ADAMTS9: variants seen among roughly 807,000 people sequenced by gnomAD.
ADAMTS9 encodes ADAM metallopeptidase with thrombospondin type 1 motif 9, also known as A disintegrin and metalloproteinase with thrombospondin motifs 9.
A neutral mutation model predicts 257.1 loss-of-function variants in ADAMTS9; 107 were observed. The observed-to-expected ratio is 0.42, with a 90% CI of 0.36 to 0.49. ADAMTS9 has a LOEUF of 0.49. ADAMTS9 is among the 20% of genes least tolerant of loss of function. ADAMTS9 has a pLI of 0.03. For synonymous variants in ADAMTS9, 982 were observed against 880.9 expected, an observed-to-expected ratio of 1.11 and a Z score of -2.03; for missense variants, 2,353 against 2,469.1, an observed-to-expected ratio of 0.95 and a Z score of 1.00.
chr3:64,608,143 T>A (rs1344654575), intron 22 of ADAMTS9, among the ~76,000 whole-genome samples: 9 of 145,910 alleles, frequency 6.2e-5, no homozygotes, highest in Admixed American at 2.8e-4. Context: ...TCACAGGAAA[T>A]CTATAGTTGC....
At chr3:64,661,884 A>G (rs753002826) in intron 3 of ADAMTS9, among the ~76,000 whole-genome samples, 5 of 152,074 alleles carry the variant, frequency 3.3e-5, no homozygotes, top group Non-Finnish European at 7.4e-5. Flanking sequence ...ACATTTTAGA[A>G]GATTTAAAGT....
intron 28 of ADAMTS9, among the ~76,000 whole-genome samples, chr3:64,581,800 A>G (rs1246347804): frequency 1.3e-5 from 2 of 152,210 alleles, no homozygotes; most frequent in Non-Finnish European, 2.9e-5. Flanking sequence ...TCTTTAATAC[A>G]TATTTCTGTG....
intron 38 of ADAMTS9, among the ~76,000 whole-genome samples, chr3:64,527,869 G>A (rs891850947): frequency 5.8e-4 from 89 of 152,158 alleles, no homozygotes; most frequent in African/African-American, 2.0e-3. Flanking sequence ...AGCCCAGGTC[G>A]AAACATGAGA....
chr3:64,551,183 C>T, intron 30 of ADAMTS9, 121 bp from the exon 31 acceptor site: 2 of 1,151,170 alleles, frequency 1.7e-6, no homozygotes, highest in Admixed American at 2.6e-5. Flanking sequence ...GCAGGGATTG[C>T]CAGAGAACTT....
At chr3:64,533,758 G>A (rs1203147013) in intron 37 of ADAMTS9, among the ~76,000 whole-genome samples, 1 of 152,198 alleles carries the variant, frequency 6.6e-6, no homozygotes, top group Non-Finnish European at 1.5e-5. Context: ...GCACAGCAGG[G>A]CGGGACTTCA....
chr3:64,684,901 A>C (rs1219479372), intron 2 of ADAMTS9: 1 of 152,220 alleles, frequency 6.6e-6, no homozygotes, highest in Non-Finnish European at 1.5e-5. Flanking sequence ...TCCTATCCCT[A>C]CGGTCCTGGA....
chr3:64,636,901 T>G (rs755112175), intron 12 of ADAMTS9, among the ~76,000 whole-genome samples: 26 of 152,332 alleles, frequency 1.7e-4, no homozygotes, highest in Admixed American at 5.9e-4. Flanking sequence ...CCTGGACTAT[T>G]CTTGTGTCAC....
At chr3:64,610,918 T>A (rs2084653738) in intron 22 of ADAMTS9, among the ~76,000 whole-genome samples, 1 of 150,922 alleles carries the variant, frequency 6.6e-6, no homozygotes. Context: ...CTACTAAAAA[T>A]ACAAAAAATT....
At chr3:64,607,154 G>A in intron 22 of ADAMTS9, 75 bp from the exon 23 acceptor site, 2 of 1,573,828 alleles carry the variant, frequency 1.3e-6, no homozygotes, top group Non-Finnish European at 1.7e-6. Flanking sequence ...ATAACATTCT[G>A]CAAGAGAGAA....
intron 2 of ADAMTS9, among the ~76,000 whole-genome samples, chr3:64,684,435 C>T (rs1376763465): frequency 6.6e-6 from 1 of 151,972 alleles, no homozygotes; most frequent in African/African-American, 2.4e-5. Flanking sequence ...CTCTGGTAGA[C>T]TCTTCAAGAT....
intron 31 of ADAMTS9, among the ~76,000 whole-genome samples, chr3:64,547,512 A>ATTTTTTTTT (rs58728148): frequency 8.2e-6 from 1 of 122,132 alleles, no homozygotes; most frequent in Non-Finnish European, 1.6e-5. Context: ...CTGGCTATAG[A>ATTTTTTTTT]TTTTTTTTTT....
At chr3:64,594,204 A>G in intron 28 of ADAMTS9, 54 bp downstream of exon 28, 1 of 1,554,048 alleles carries the variant, frequency 6.4e-7, no homozygotes. Flanking sequence ...AGTGCCCCAG[A>G]ATACCTTGGA....
chr3:64,680,552 A>G (rs4688214), intron 3 of ADAMTS9, among the ~76,000 whole-genome samples: 16,429 of 152,130 alleles, frequency 0.11, 1,515 homozygotes, highest in African/African-American at 0.23. Context: ...ATCCTTGACA[A>G]TGGCCAAACA....
rs73122229 is a variant in ADAMTS9 at position 64,596,510 on chromosome 3, C to T, written c.4179+320G>A. 4.9e-3 allele frequency among the ~76,000 whole-genome samples: 739 copies of T among 152,254 alleles called. 4 individuals carry two copies. Among genetic ancestry groups the T allele is most frequent in the South Asian group, 0.017 (83 of 4,824 alleles). On this transcript the variant is annotated intron_variant, in intron 27 of 39. Transcript: ENST00000498707. ...ACTATGAAGAAGAGGGCAAGACTTC[C>T]ATGGACCGATTTAACACATATTTTC...
At position 64,658,785 on chromosome 3, in the gene ADAMTS9, T is replaced by G. The variant is rs770943365; in HGVS notation, c.686A>C (p.Lys229Thr). ...GRHACDTSEH[K>T]NRHSKDKKKT... ...CTTCTTGTCTTTACTGTGCCTATTTTTGTGTTCTGTAACAAATCAGATGGT... is the reference window on the plus strand; with the variant it reads ...CTTCTTGTCTTTACTGTGCCTATTTGTGTGTTCTGTAACAAATCAGATGGT... Residue 229 changes from lysine (K) to threonine (T), a missense_variant, in exon 4 of 40, where the codon AAA becomes ACA. Physicochemically the swap from Lys to Thr is moderately conservative, Grantham distance 78. Coordinates refer to ENST00000498707, the MANE Select transcript of ADAMTS9 (RefSeq NM_182920.2). The G allele has an allele frequency of 6.2e-7, 1 of 1,612,274 alleles. No individual in the cohort carries two copies. The highest frequency in any genetic ancestry group is 8.5e-7 in the Non-Finnish European group (1 of 1,179,222).
chr3:64,681,383 G>A lies in ADAMTS9; in HGVS notation c.517-20C>T. 6.3e-7 allele frequency: 1 copy of A among 1,597,490 alleles called. No homozygotes were observed. ...GCCCAGCTGCAAATGAAGAGAGATG[G>A]GAGGTTGATTTAACGTAACTCAGTC... On this transcript the variant is annotated intron_variant, in intron 2 of 39. Transcript: ENST00000498707.
chr3:64,591,888 C>T (rs899890307), intron 28 of ADAMTS9, among the ~76,000 whole-genome samples: 1 of 152,140 alleles, frequency 6.6e-6, no homozygotes, highest in African/African-American at 2.4e-5. Flanking sequence ...TTGAAAGCAA[C>T]ATGTTAGCAC....
Position 64,539,313 on chromosome 3 carries a change from G to A in ADAMTS9, c.5522-19C>T. On this transcript the variant is annotated intron_variant, in intron 36 of 39. Transcript: ENST00000498707. ...TCAGTGGCTGTGGGGTGGAGAAGGGGTTAAAGGCAGGGGAAGGTAAGAGTG... is the reference window on the plus strand; with the variant it reads ...TCAGTGGCTGTGGGGTGGAGAAGGGATTAAAGGCAGGGGAAGGTAAGAGTG... 6.2e-7 allele frequency: 1 copy of A among 1,604,362 alleles called. No homozygotes were observed. Among genetic ancestry groups the A allele is most frequent in the Non-Finnish European group, 8.5e-7 (1 of 1,171,250 alleles).
At chr3:64,653,259 C>T (rs529008999) in intron 8 of ADAMTS9, among the ~76,000 whole-genome samples, 1 of 152,330 alleles carries the variant, frequency 6.6e-6, no homozygotes, top group East Asian at 1.9e-4. Flanking sequence ...CCTTGAGTTT[C>T]ACAAAAGTGC....
Sources: gnomAD v4.1 joint callset for allele counts (sites outside exome capture counted in the v4.1 genomes callset) on GRCh38, gnomAD v4.1.1 for gene constraint, MANE v1.5 for transcripts, NCBI Gene and HGNC (gene_info 2026-07-23, HGNC 2026-07-21) for gene names.